EYS: variants seen among roughly 807,000 people sequenced by gnomAD.
The protein encoded by EYS is protein eyes shut homolog.
EYS carries 250 observed loss-of-function variants against 282.1 expected under a neutral mutation model. The observed-to-expected ratio is 0.89, with a 90% CI of 0.80 to 0.98. EYS has a LOEUF of 0.98. Ranked by LOEUF, EYS falls within the 50% of genes least tolerant of loss-of-function variation. The probability of loss-of-function intolerance (pLI) is 0.00; values close to 1 mark genes in which losing one functional copy is unlikely to be tolerated. For missense variants in EYS, 4,016 were observed against 3,709.0 expected (o/e 1.08, Z -2.15); for synonymous variants, 1,355 against 1,282.9 (o/e 1.06, Z -1.20).
intron 8 of EYS, among the ~76,000 whole-genome samples, chr6:65,366,577 T>C (rs1167987749): frequency 6.6e-6 from 1 of 151,810 alleles, no homozygotes; most frequent in East Asian, 1.9e-4. Flanking sequence ...TTTAATGATT[T>C]TCAGCTAGCA....
At chr6:65,516,450 C>G (rs1004674713) in intron 2 of EYS, among the ~76,000 whole-genome samples, 2 of 151,978 alleles carry the variant, frequency 1.3e-5, no homozygotes, top group Non-Finnish European at 1.5e-5. Flanking sequence ...ATGTAAACAA[C>G]TTTCAGAAGT....
chr6:64,780,576 T>A (rs115068126), intron 22 of EYS, among the ~76,000 whole-genome samples: 1,600 of 152,254 alleles, frequency 0.011, 38 homozygotes, highest in African/African-American at 0.037. Flanking sequence ...ACAATGTTCA[T>A]TATTGGGCGA....
At chr6:65,435,053 A>G (rs1014767419) in intron 5 of EYS, among the ~76,000 whole-genome samples, 4 of 151,858 alleles carry the variant, frequency 2.6e-5, no homozygotes, top group Non-Finnish European at 5.9e-5. Context: ...AATATCACAC[A>G]TCTAAAGTCA....
intron 31 of EYS, among the ~76,000 whole-genome samples, chr6:64,144,719 G>T (rs1562223370): frequency 6.6e-6 from 1 of 152,172 alleles, no homozygotes; most frequent in African/African-American, 2.4e-5. Flanking sequence ...CAGCCAGGGA[G>T]GGCTGGGAAG....
intron 28 of EYS, among the ~76,000 whole-genome samples, chr6:64,416,747 C>G (rs1044367436): frequency 6.6e-6 from 1 of 152,012 alleles, no homozygotes; most frequent in African/African-American, 2.4e-5. Flanking sequence ...TTTCTAAGTT[C>G]CATCCAGGCA....
At chr6:63,954,715 C>T (rs1356736029) in intron 35 of EYS, among the ~76,000 whole-genome samples, 1 of 152,172 alleles carries the variant, frequency 6.6e-6, no homozygotes, top group East Asian at 1.9e-4. Flanking sequence ...CCTGCCTACT[C>T]CCCGCTGAAA....
chr6:64,216,130 A>C (rs185600675), intron 31 of EYS, among the ~76,000 whole-genome samples: 1 of 152,322 alleles, frequency 6.6e-6, no homozygotes, highest in Admixed American at 6.5e-5. Flanking sequence ...CAGATAAATA[A>C]ATGTATTTTG....
chr6:64,481,203 G>GAT (rs1356362770), intron 26 of EYS, among the ~76,000 whole-genome samples: 2 of 146,532 alleles, frequency 1.4e-5, no homozygotes, highest in African/African-American at 5.0e-5. Context: ...TCATATATAT[G>GAT]ATATATATAT....
At chr6:64,362,975 G>T (rs1772065645) in intron 29 of EYS, among the ~76,000 whole-genome samples, 6 of 142,092 alleles carry the variant, frequency 4.2e-5, no homozygotes, top group East Asian at 2.1e-4. Flanking sequence ...TTCTTTTTCT[G>T]TTTCATTTTC....
intron 15 of EYS, among the ~76,000 whole-genome samples, chr6:64,918,201 T>C (rs1768224514): frequency 6.6e-6 from 1 of 152,066 alleles, no homozygotes; most frequent in African/African-American, 2.4e-5. Context: ...AAAAATCTAT[T>C]GTAAAAAATA....
chr6:64,351,080 T>TA (rs1205897064), intron 29 of EYS, among the ~76,000 whole-genome samples: 9 of 150,376 alleles, frequency 6.0e-5, no homozygotes, highest in South Asian at 2.1e-4. Flanking sequence ...TTTTTTTTTT[T>TA]AATAAATTAC....
chr6:64,196,709 A>C (rs1765299448), intron 31 of EYS, among the ~76,000 whole-genome samples: 1 of 141,582 alleles, frequency 7.1e-6, no homozygotes. Context: ...ACACATGGAC[A>C]CAGGAAGGGG....
rs116196147 is a variant in EYS, at chr6:65,574,980, G to C, written c.-333+64798C>G. ...GTAAGAGAAATTTCAAAAAAGAATA[G>C]AACTATTTGAAAATTAAACAGCATG... On this transcript the variant is annotated intron_variant, in intron 2 of 42. Coordinates refer to ENST00000503581, the MANE Select transcript of EYS (RefSeq NM_001142800.2). Among the ~76,000 whole-genome samples the C allele has an allele frequency of 5.1e-3, 779 of 152,128 alleles. 3 individuals carry two copies. Among genetic ancestry groups the C allele is most frequent in the African/African-American group, 0.017 (709 of 41,500 alleles).
intron 31 of EYS, among the ~76,000 whole-genome samples, chr6:64,111,864 A>G (rs1233227663): frequency 1.3e-5 from 2 of 152,066 alleles, no homozygotes; most frequent in African/African-American, 2.4e-5. Flanking sequence ...TATATTATGG[A>G]AGCATAAATA....
chr6:64,726,903 A>G lies in EYS; in HGVS notation c.3443+86475T>C, dbSNP rs577895179. Among the ~76,000 whole-genome samples the G allele has an allele frequency of 7.2e-5, 11 of 152,318 alleles. No homozygotes were observed. In the South Asian group the frequency reaches 2.3e-3, roughly 32 times the overall value. ...AAATGAAACATTTCATAAACAATGA[A>G]TAACATGCACTTAAGAACCTCACAC... On this transcript the variant is annotated intron_variant, in intron 22 of 42. Coordinates refer to ENST00000503581, the MANE Select transcript of EYS (RefSeq NM_001142800.2).
chr6:64,144,682 A>G lies in EYS; in HGVS notation c.6425-62680T>C, dbSNP rs142107744. Among the ~76,000 whole-genome samples, 1,445 of 152,154 alleles carry G rather than the reference A, an allele frequency of 9.5e-3. 18 individuals are homozygous for G. The highest frequency in any genetic ancestry group is 0.033 in the African/African-American group (1,356 of 41,538). On this transcript the variant is annotated intron_variant, in intron 31 of 42. Coordinates refer to ENST00000503581, the MANE Select transcript of EYS (RefSeq NM_001142800.2). Reference sequence around the variant, plus strand: ...GAAACTCCATCCTTTCTCCAACCCCATGTTATCATCCTGGGTCCTCACACT... The same window carrying G: ...GAAACTCCATCCTTTCTCCAACCCCGTGTTATCATCCTGGGTCCTCACACT...
chr6:64,320,068 G>T (rs1470453676), intron 29 of EYS, among the ~76,000 whole-genome samples: 2 of 151,852 alleles, frequency 1.3e-5, no homozygotes, highest in Admixed American at 1.3e-4. Flanking sequence ...TTTTTTGTTG[G>T]ATTTGGAATT....
At chr6:64,105,718 T>C (rs1458983032) in intron 31 of EYS, among the ~76,000 whole-genome samples, 1 of 152,134 alleles carries the variant, frequency 6.6e-6, no homozygotes, top group Non-Finnish European at 1.5e-5. Flanking sequence ...ACTTCTTCCA[T>C]TTAATAACAT....
intron 2 of EYS, among the ~76,000 whole-genome samples, chr6:65,520,676 A>T (rs1287326208): frequency 6.6e-6 from 1 of 151,858 alleles, no homozygotes; most frequent in Non-Finnish European, 1.5e-5. Context: ...ACATATATAC[A>T]TATATGTATA....
Sources: allele counts gnomAD v4.1 joint callset (sites outside exome capture counted in the v4.1 genomes callset), GRCh38; gene constraint gnomAD v4.1.1; transcripts MANE v1.5; gene names NCBI Gene and HGNC (gene_info 2026-07-23, HGNC 2026-07-21).